Variants in CNOT6L observed in about 807,000 individuals in gnomAD.
The protein encoded by CNOT6L is CCR4-NOT transcription complex subunit 6-like.
CNOT6L carries 7 observed loss-of-function variants against 64.0 expected under a neutral mutation model. That is an observed-to-expected ratio of 0.11 (90% CI 0.06 to 0.21). CNOT6L has a LOEUF of 0.21. Ranked by LOEUF, CNOT6L falls within the 10% of genes least tolerant of loss-of-function variation. The probability of loss-of-function intolerance (pLI) is 1.00; values close to 1 mark genes in which losing one functional copy is unlikely to be tolerated. For missense variants in CNOT6L, 245 were observed against 669.0 expected, an observed-to-expected ratio of 0.37 and a Z score of 6.99; for synonymous variants, 193 against 243.4, an observed-to-expected ratio of 0.79 and a Z score of 1.93.
chr4:77,782,528 A>G (rs1282481668), intron 1 of CNOT6L, among the ~76,000 whole-genome samples: 1 of 150,554 alleles, frequency 6.6e-6, no homozygotes, highest in Non-Finnish European at 1.5e-5. Context: ...TTTAGTAGAG[A>G]CAAGGTTTCA....
intron 1 of CNOT6L, among the ~76,000 whole-genome samples, chr4:77,803,083 A>G (rs1412568617): frequency 6.6e-6 from 1 of 152,192 alleles, no homozygotes; most frequent in Non-Finnish European, 1.5e-5. Context: ...ATTGATAATG[A>G]GCAATAAGGT....
chr4:77,796,977 G>A (rs1730917696), intron 1 of CNOT6L, among the ~76,000 whole-genome samples: 1 of 151,676 alleles, frequency 6.6e-6, no homozygotes, highest in South Asian at 2.1e-4. Context: ...TAACTACTTG[G>A]GAGGCTGGGA....
intron 1 of CNOT6L, among the ~76,000 whole-genome samples, chr4:77,803,181 C>T (rs1731793533): frequency 6.6e-6 from 1 of 151,184 alleles, no homozygotes; most frequent in African/African-American, 2.4e-5. Flanking sequence ...AGGTCATGAT[C>T]AGGCAAATCA....
At chr4:77,729,800 A>G (rs1464421508) in intron 9 of CNOT6L, among the ~76,000 whole-genome samples, 2 of 152,054 alleles carry the variant, frequency 1.3e-5, no homozygotes, top group Admixed American at 6.6e-5. Context: ...TAAAATAAAC[A>G]TTAACATAGT....
chr4:77,779,657 G>C (rs1376153615), intron 1 of CNOT6L, among the ~76,000 whole-genome samples: 1 of 152,084 alleles, frequency 6.6e-6, no homozygotes, highest in East Asian at 1.9e-4. Flanking sequence ...ATTTGATTAG[G>C]ATGCCAATAA....
At chr4:77,736,445 T>C (rs1022359007) in intron 8 of CNOT6L, among the ~76,000 whole-genome samples, 2 of 152,208 alleles carry the variant, frequency 1.3e-5, no homozygotes, top group Non-Finnish European at 2.9e-5. Context: ...TATAGTAAGA[T>C]ATAATTACCC....
intron 1 of CNOT6L, among the ~76,000 whole-genome samples, chr4:77,808,701 C>G (rs532323146): frequency 2.0e-5 from 3 of 152,186 alleles, no homozygotes; most frequent in African/African-American, 7.2e-5. Flanking sequence ...TTACAGTAGT[C>G]TATTAATTTT....
At chr4:77,721,642 T>C (rs1019638146) in intron 11 of CNOT6L, among the ~76,000 whole-genome samples, 3 of 152,174 alleles carry the variant, frequency 2.0e-5, no homozygotes, top group Non-Finnish European at 4.4e-5. Context: ...TGATTTTCAT[T>C]TGACCAATAT....
At position 77,714,558 on chromosome 4, in the gene CNOT6L, T is replaced by C. The variant is rs1377710128; in HGVS notation, c.*5873A>G. 2 of 151,352 alleles carry C rather than the reference T, an allele frequency of 1.3e-5. No homozygotes were observed. Among genetic ancestry groups the C allele is most frequent in the African/African-American group, 4.9e-5 (2 of 40,988 alleles). 9.4% of individuals were successfully genotyped at this position (151,352 alleles called of 1,614,324 possible). On this transcript the variant is annotated 3_prime_UTR_variant, in exon 12 of 12. Coordinates refer to ENST00000504123, the MANE Select transcript of CNOT6L (RefSeq NM_144571.3). ...TCTCAAAATATTCCAAGTAGTTCTA[T>C]TGAACTCTGTATCTCAGCTTCTCCA...
At chr4:77,819,677 G>A, upstream of CNOT6L, 1 of 151,424 alleles carries the variant, frequency 6.6e-6, no homozygotes, top group Non-Finnish European at 1.5e-5. Flanking sequence ...GGGGGAGGCG[G>A]CGGCGGCGGT....
Position 77,714,904 on chromosome 4 carries a change from G to C in CNOT6L, c.*5527C>G, listed in dbSNP as rs1058746. 0.064 allele frequency: 9,745 copies of C among 152,620 alleles called. 466 individuals are homozygous for C. Among genetic ancestry groups the C allele is most frequent in the African/African-American group, 0.13 (5,463 of 41,514 alleles). The allele number at this position is 152,620 out of a possible 1,614,324, so 9.5% of individuals were successfully genotyped here. A position where few individuals can be genotyped will look rare whatever the true frequency, so the allele number is the denominator to read the frequency against. ...AAGCAGCAGGATACTAAGTCTGTTT[G>C]GTAAGAAGCAAAGCCATTGTTTGAC... On this transcript the variant is annotated 3_prime_UTR_variant, in exon 12 of 12. Coordinates refer to ENST00000504123, the MANE Select transcript of CNOT6L (RefSeq NM_144571.3).
chr4:77,742,542 A>C (rs1222937811), intron 7 of CNOT6L: 2 of 503,372 alleles, frequency 4.0e-6, no homozygotes, highest in Admixed American at 3.2e-5. Flanking sequence ...GTAGGACTAC[A>C]TCCCAAGGTC....
chr4:77,780,608 TGA>T lies in CNOT6L; in HGVS notation c.6-4218_6-4217del, dbSNP rs572734227. Among the ~76,000 whole-genome samples the T allele has an allele frequency of 6.9e-4, 105 of 152,334 alleles. 1 individual carries two copies. The highest frequency in any genetic ancestry group is 5.8e-3 in the South Asian group (28 of 4,828). On this transcript the variant is annotated intron_variant, in intron 1 of 11. Transcript: ENST00000504123. ...CCTCAGAGACTCTGAGTAAAATTTC[TGA>T]GAGTAACCATCAGTCCTAGATAAGG...
intron 4 of CNOT6L, among the ~76,000 whole-genome samples, chr4:77,763,145 CA>C (rs1314382292): frequency 1.3e-5 from 2 of 151,940 alleles, no homozygotes; most frequent in East Asian, 1.9e-4. Flanking sequence ...ACAGTGGAAT[CA>C]AAAGGTAGGA....
At chr4:77,759,279 G>A (rs1053837574) in intron 4 of CNOT6L, among the ~76,000 whole-genome samples, 4 of 151,508 alleles carry the variant, frequency 2.6e-5, no homozygotes, top group African/African-American at 9.7e-5. Flanking sequence ...AACGAGATGG[G>A]TTGTGGCTGG....
intron 1 of CNOT6L, chr4:77,819,031 CG>C (rs1441753676): frequency 1.5e-6 from 1 of 668,358 alleles, no homozygotes; most frequent in African/African-American, 1.9e-5. Flanking sequence ...TCTGGGGTCC[CG>C]GCCCCGGGCC....
chr4:77,760,878 T>TTTTTTTTTTTTTTTTTTTTTTTG (rs1726145059), intron 4 of CNOT6L, among the ~76,000 whole-genome samples: 1 of 126,776 alleles, frequency 7.9e-6, no homozygotes. Context: ...TTTTTTTTTT[T>TTTTTTTTTTTTTTTTTTTTTTTG]TTTTTTTTTT....
At chr4:77,742,873 GGTCT>G (rs556890239) in intron 7 of CNOT6L, among the ~76,000 whole-genome samples, 190 of 151,918 alleles carry the variant, frequency 1.3e-3, no homozygotes, top group African/African-American at 4.4e-3. Flanking sequence ...TATTTTAACA[GGTCT>G]TTCTAAATGA....
Position 77,774,649 on chromosome 4 carries a change from G to C in CNOT6L, c.195C>G (p.Asp65Glu). The C allele has an allele frequency of 1.2e-6, 2 of 1,613,550 alleles. No individual in the cohort carries two copies. The highest frequency in any genetic ancestry group is 1.7e-6 in the Non-Finnish European group (2 of 1,179,668). The change falls in exon 3 of 12, where the codon GAC becomes GAG. Residue 65 changes from aspartate to glutamate, a missense_variant. This residue lies in a region of CNOT6L where 78 missense variants were observed against 137.6 expected (regional missense o/e 0.57). Transcript: ENST00000504123. ...LTHLTALHLN[D>E]NYLSRIPPDI... The stretch of plus-strand genomic sequence containing the variant: ...CAGGTGGAATGCGACTAAGGTAATT[G>C]TCATTTAGGTGCAGCGCTGTCAAGT...
Sources: gnomAD v4.1 joint callset for allele counts (sites outside exome capture counted in the v4.1 genomes callset) on GRCh38, gnomAD v4.1.1 for gene constraint, gnomAD v4.1.1 regional missense constraint, MANE v1.5 for transcripts, NCBI Gene and HGNC (gene_info 2026-07-23, HGNC 2026-07-21) for gene names.